EPS8L2: variants seen among roughly 807,000 people sequenced by gnomAD.
EPS8L2 encodes the protein epidermal growth factor receptor kinase substrate 8-like protein 2.
In EPS8L2, 81 loss-of-function variants were observed where a neutral mutation model predicts 99.4. The observed-to-expected ratio is 0.82, with a 90% CI of 0.68 to 0.98. EPS8L2 has a LOEUF of 0.98. EPS8L2 is among the 50% of genes least tolerant of loss of function. The probability of loss-of-function intolerance (pLI) is 0.00; values close to 1 mark genes in which losing one functional copy is unlikely to be tolerated. For missense variants in EPS8L2, 1,155 were observed against 968.8 expected, an observed-to-expected ratio of 1.19 and a Z score of -2.55; for synonymous variants, 509 against 407.3, an observed-to-expected ratio of 1.25 and a Z score of -3.01.
intron 1 of EPS8L2, chr11:708,524 G>A (rs1861792641): frequency 6.6e-6 from 1 of 152,282 alleles, no homozygotes; most frequent in Non-Finnish European, 1.5e-5. Flanking sequence ...CTGTGTGTTG[G>A]GGCCACTGGA....
At chr11:713,693 C>A (rs752646251) in intron 4 of EPS8L2, among the ~76,000 whole-genome samples, 1 of 152,222 alleles carries the variant, frequency 6.6e-6, no homozygotes, top group African/African-American at 2.4e-5. Flanking sequence ...TACAGGCACG[C>A]ACCACCACAC....
At position 721,698 on chromosome 11, in the gene EPS8L2, G is replaced by C. The variant is rs1171505078; in HGVS notation, c.895+7G>C. On this transcript the variant is annotated splice_region_variant and intron_variant, in intron 10 of 20. Coordinates refer to ENST00000318562, the MANE Select transcript of EPS8L2 (RefSeq NM_022772.4). ...GGCAAGAAGGCGCCAGCAGGTGCAG[G>C]GGACAGGGACGGGGCCGGCAGGTGC... 2 of 1,598,586 alleles carry C rather than the reference G, an allele frequency of 1.3e-6. No homozygotes were observed. Among genetic ancestry groups the C allele is most frequent in the South Asian group, 2.2e-5 (2 of 89,960 alleles).
chr11:726,233 G>GT, intron 18 of EPS8L2, 63 bp downstream of exon 18: 1 of 1,561,154 alleles, frequency 6.4e-7, no homozygotes, highest in Non-Finnish European at 8.7e-7. Flanking sequence ...AGGAAGTGTG[G>GT]GGGGGGTCCC....
chr11:721,808 AGGT>A lies in EPS8L2; in HGVS notation c.896-94_896-92del, dbSNP rs774849193. 5 of 1,507,480 alleles carry A rather than the reference AGGT, an allele frequency of 3.3e-6. No individual in the cohort carries two copies. The African/African-American group carries it at 6.9e-5, about 21-fold the overall frequency. The allele number at this position is 1,507,480 out of a possible 1,614,324, so 93.4% of individuals were successfully genotyped here. A position where few individuals can be genotyped will look rare whatever the true frequency, so the allele number is the denominator to read the frequency against. ...GGGGGCTACTCATGGAGGTGGAGGA[AGGT>A]CCAGCCCACACAGATGGGCTGCGTG... On this transcript the variant is annotated intron_variant, in intron 10 of 20. Coordinates refer to ENST00000318562, the MANE Select transcript of EPS8L2 (RefSeq NM_022772.4).
chr11:721,337 G>T lies in EPS8L2; in HGVS notation c.753G>T (p.Lys251Asn), dbSNP rs1035263570. The part of the protein sequence containing the change: ...QEEPRAVLAQ[K>N]IEKETQILNC... ...AGCCGCGGGCCGTGCTGGCTCAGAAGATAGAGAAGGAGACGGTGGGTGCCC... is the reference window on the plus strand; with the variant it reads ...AGCCGCGGGCCGTGCTGGCTCAGAATATAGAGAAGGAGACGGTGGGTGCCC... The change falls in exon 9 of 21, where the codon AAG becomes AAT. Residue 251 changes from lysine to asparagine, a missense_variant. Coordinates refer to ENST00000318562, the MANE Select transcript of EPS8L2 (RefSeq NM_022772.4). 6 of 1,539,952 alleles carry T rather than the reference G, an allele frequency of 3.9e-6. No homozygotes were observed. Among genetic ancestry groups the T allele is most frequent in the African/African-American group, 1.4e-5 (1 of 72,938 alleles).
chr11:717,369 G>C (rs1030297790), intron 4 of EPS8L2, among the ~76,000 whole-genome samples: 7 of 152,170 alleles, frequency 4.6e-5, no homozygotes, highest in African/African-American at 1.7e-4. Flanking sequence ...AAATAGTTCT[G>C]CATTGAGCAG....
chr11:721,822 C>T (rs772879088), intron 10 of EPS8L2, 81 bp from the exon 11 acceptor site: 1 of 1,513,230 alleles, frequency 6.6e-7, no homozygotes, highest in Non-Finnish European at 9.0e-7. Context: ...CCAGCCCACA[C>T]AGATGGGCTG....
rs1255904371 is a variant in EPS8L2, at chr11:726,894, T to C, written c.2068-7T>C. ...CGGCTGAGGATGCCCCCATTTCTCC[T>C]CCCTAGAAGCAGCAAAGTGGGTCGG... On this transcript the variant is annotated splice_region_variant and splice_polypyrimidine_tract_variant and intron_variant, in intron 20 of 20. Transcript: ENST00000318562. 1 of 1,611,834 alleles carries C rather than the reference T, an allele frequency of 6.2e-7. No individual in the cohort carries two copies. Among genetic ancestry groups the C allele is most frequent in the Non-Finnish European group, 8.5e-7 (1 of 1,179,310 alleles).
intron 13 of EPS8L2, 25 bp downstream of exon 13, chr11:722,574 G>A: frequency 5.6e-6 from 9 of 1,611,944 alleles, no homozygotes; most frequent in Non-Finnish European, 7.6e-6. Flanking sequence ...AGCAGTGCCG[G>A]GGCTTCATGG....
At chr11:712,393 CG>C in intron 4 of EPS8L2, among the ~76,000 whole-genome samples, 1 of 141,366 alleles carries the variant, frequency 7.1e-6, no homozygotes. Flanking sequence ...AGCCTGGGTG[CG>C]AGCTGGGCTC....
At position 727,157 on chromosome 11, in the gene EPS8L2, A is replaced by G. The variant is rs1862353810; in HGVS notation, c.*176A>G. 4 of 577,880 alleles carry G rather than the reference A, an allele frequency of 6.9e-6. No homozygotes were observed. The highest frequency in any genetic ancestry group is 1.2e-5 in the Non-Finnish European group (4 of 324,350). The allele number at this position is 577,880 out of a possible 1,614,324, so 35.8% of individuals were successfully genotyped here. ...CCCATCCTTAGGCCAAACAGTACCC[A>G]AGGCCTCAGCCCACACCAAGACTAA... On this transcript the variant is annotated 3_prime_UTR_variant, in exon 21 of 21. Coordinates refer to ENST00000318562, the MANE Select transcript of EPS8L2 (RefSeq NM_022772.4).
chr11:710,383 C>T, intron 3 of EPS8L2, 39 bp from the exon 4 acceptor site: 1 of 1,600,528 alleles, frequency 6.2e-7, no homozygotes, highest in Non-Finnish European at 8.6e-7. Context: ...GGCTGTGGGT[C>T]CTGCCCGTCG....
rs1387620615 is a variant in EPS8L2, at chr11:706,235, GGACGCACCGGC to G, written c.-129_-119del. On this transcript the variant is annotated 5_prime_UTR_variant, in exon 1 of 21. Transcript: ENST00000318562. ...CGCCCCGGCCGAGGCGCGAACAGAC[GGACGCACCGGC>G]GAGCGCCGAGGGGACAGGCCGAGCG... 3 of 151,992 alleles carry G rather than the reference GGACGCACCGGC, an allele frequency of 2.0e-5. No individual in the cohort carries two copies. Among genetic ancestry groups the G allele is most frequent in the Non-Finnish European group, 2.9e-5 (2 of 67,972 alleles). The allele number at this position is 151,992 out of a possible 1,614,324, so 9.4% of individuals were successfully genotyped here.
rs1042918345 is a variant in EPS8L2 at position 720,240 on chromosome 11, C to T, written c.327+17C>T. On this transcript the variant is annotated intron_variant, in intron 5 of 20. Transcript: ENST00000318562. ...GAGTCACAGGTGGGGCCCAGCGCCA[C>T]GGGGGACAGGGAGCACAGTGGGTAG... 14 of 1,611,902 alleles carry T rather than the reference C, an allele frequency of 8.7e-6. No individual in the cohort carries two copies. The highest frequency in any genetic ancestry group is 2.7e-5 in the African/African-American group (2 of 74,896).
In EPS8L2 at chr11:724,846, C is replaced by A; in HGVS notation, c.1560+17C>A. 1 of 1,582,638 alleles carries A rather than the reference C, an allele frequency of 6.3e-7. No homozygotes were observed. The highest frequency in any genetic ancestry group is 8.7e-7 in the Non-Finnish European group (1 of 1,152,698). Reference sequence around the variant, plus strand: ...GTCCTAGAGGTGAGGGGCTGGAGGACGGGGTCCAAGAGGGGGAAACAGGGC... The same window carrying A: ...GTCCTAGAGGTGAGGGGCTGGAGGAAGGGGTCCAAGAGGGGGAAACAGGGC... On this transcript the variant is annotated intron_variant, in intron 16 of 20. Coordinates refer to ENST00000318562, the MANE Select transcript of EPS8L2 (RefSeq NM_022772.4). The surrounding 1 kb of genome is among the most constrained non-coding windows in gnomAD (Gnocchi z 5.5).
intron 4 of EPS8L2, among the ~76,000 whole-genome samples, chr11:717,393 C>T (rs1862049658): frequency 6.6e-6 from 1 of 152,196 alleles, no homozygotes; most frequent in South Asian, 2.1e-4. Context: ...GGTACCGATG[C>T]CACATTTTGC....
In EPS8L2 at chr11:720,428, T is replaced by C. The variant is rs559611623; in HGVS notation, c.328-169T>C. On this transcript the variant is annotated intron_variant, in intron 5 of 20. Transcript: ENST00000318562. ...GGAAGTTTGGAAGCCGGGGTCAGCC[T>C]TGCGGTACAGCTGCGGGGTGTGTCC... The C allele has an allele frequency of 5.4e-4, 652 of 1,205,848 alleles. 8 individuals are homozygous for C. In the South Asian group the frequency reaches 8.9e-3, roughly 16 times the overall value. The allele number at this position is 1,205,848 out of a possible 1,614,324, so 74.7% of individuals were successfully genotyped here. A position where few individuals can be genotyped will look rare whatever the true frequency, so the allele number is the denominator to read the frequency against.
Position 726,983 on chromosome 11 carries a change from C to T in EPS8L2, c.*2C>T, listed in dbSNP as rs1236132557. 2.4e-5 allele frequency: 38 copies of T among 1,610,540 alleles called. No homozygotes were observed. The highest frequency in any genetic ancestry group is 3.1e-5 in the Non-Finnish European group (37 of 1,177,726). On this transcript the variant is annotated 3_prime_UTR_variant, in exon 21 of 21. Transcript: ENST00000318562. ...CAGAGGAGGGGGGAGGACAGCTAGG[C>T]CCAGCTGCCTTGGGCTGGGGCCTGC...
At chr11:714,709 C>T (rs1271555548) in intron 4 of EPS8L2, among the ~76,000 whole-genome samples, 1 of 150,036 alleles carries the variant, frequency 6.7e-6, no homozygotes, top group Non-Finnish European at 1.5e-5. Flanking sequence ...TACTGGACCA[C>T]ACTGATTGAC....
Sources: allele counts gnomAD v4.1 joint callset (sites outside exome capture counted in the v4.1 genomes callset), GRCh38; gene constraint gnomAD v4.1.1; non-coding constraint Gnocchi (gnomAD v3.1); transcripts MANE v1.5; gene names NCBI Gene and HGNC (gene_info 2026-07-23, HGNC 2026-07-21).